The following VDAC1 variants were observed in gnomAD, a reference collection of about 807,000 sequenced individuals.
VDAC1 encodes the protein non-selective voltage-gated ion channel VDAC1.
A neutral mutation model predicts 34.7 loss-of-function variants in VDAC1; 10 were observed. The observed-to-expected ratio is 0.29, with a 90% CI of 0.18 to 0.49. The LOEUF is 0.49. Among genes scored for constraint, VDAC1 ranks in the 20% least tolerant of loss-of-function variants. VDAC1 has a pLI of 0.99. For synonymous variants in VDAC1, 130 were observed against 136.0 expected (o/e 0.96, Z 0.30); for missense variants, 230 against 347.9 (o/e 0.66, Z 2.69).
intron 8 of VDAC1, among the ~76,000 whole-genome samples, chr5:133,973,073 G>C (rs968573557): frequency 1.3e-5 from 2 of 152,182 alleles, no homozygotes; most frequent in African/African-American, 2.4e-5. Flanking sequence ...ACCGCCCAGA[G>C]AGCCTACCCA....
chr5:134,094,777 C>T, the VDAC1 span, among the ~76,000 whole-genome samples: 7 of 150,984 alleles, frequency 4.6e-5, no homozygotes, highest in East Asian at 1.9e-4. Flanking sequence ...CTAATGCCAA[C>T]GAGCAGCCTG....
At chr5:134,066,117 A>G in the VDAC1 span, among the ~76,000 whole-genome samples, 1 of 149,596 alleles carries the variant, frequency 6.7e-6, no homozygotes, top group Admixed American at 6.6e-5. Context: ...TTATCTACTT[A>G]TTTTTTTGAG....
intron 8 of VDAC1, 41 bp downstream of exon 8, chr5:133,973,750 T>C: frequency 6.3e-7 from 1 of 1,596,248 alleles, no homozygotes; most frequent in Non-Finnish European, 8.5e-7. Flanking sequence ...CCACAATTTT[T>C]TTAAGATAAA....
chr5:133,986,404 G>GTT lies in VDAC1; in HGVS notation c.323+4449_323+4450dup, dbSNP rs537730784. On this transcript the variant is annotated intron_variant, in intron 5 of 8. Coordinates refer to ENST00000265333, the MANE Select transcript of VDAC1 (RefSeq NM_003374.3). ...ATCTAGCACCCAGAATTTTAGTTTT[G>GTT]TTTTTTTTTTGAGATGGAGTCTTGC... Among the ~76,000 whole-genome samples, 801 of 147,546 alleles carry GTT rather than the reference G, an allele frequency of 5.4e-3. 8 individuals carry two copies. Among genetic ancestry groups the GTT allele is most frequent in the African/African-American group, 0.019 (750 of 40,248 alleles).
At chr5:134,048,664 C>T in the VDAC1 span, among the ~76,000 whole-genome samples, 12 of 152,192 alleles carry the variant, frequency 7.9e-5, no homozygotes, top group Admixed American at 6.5e-4. Context: ...CACCCAATGC[C>T]CTCATTATTC....
chr5:134,017,957 G>A, the VDAC1 span, among the ~76,000 whole-genome samples: 3 of 152,158 alleles, frequency 2.0e-5, no homozygotes, highest in Admixed American at 6.5e-5. Context: ...GATGAATGAC[G>A]TGTGGCATAA....
At chr5:134,034,180 CAA>C in the VDAC1 span, among the ~76,000 whole-genome samples, 39 of 148,184 alleles carry the variant, frequency 2.6e-4, no homozygotes, top group Admixed American at 2.7e-4. Context: ...GTGTCACGCG[CAA>C]AAAAAAAAAA....
intron 3 of VDAC1, 110 bp from the exon 4 acceptor site, chr5:133,991,264 G>A: frequency 7.3e-7 from 1 of 1,365,704 alleles, no homozygotes; most frequent in Non-Finnish European, 1.0e-6. Context: ...CCTGAATGTG[G>A]GGGGGCCAAG....
chr5:134,017,189 G>A, the VDAC1 span, among the ~76,000 whole-genome samples: 3 of 152,176 alleles, frequency 2.0e-5, no homozygotes, highest in East Asian at 1.9e-4. Flanking sequence ...ATTTCAAGCC[G>A]GGCGCGGTGG....
the VDAC1 span, among the ~76,000 whole-genome samples, chr5:134,060,572 C>A: frequency 1.3e-5 from 2 of 151,798 alleles, no homozygotes; most frequent in Non-Finnish European, 2.9e-5. Flanking sequence ...TATGATAGCT[C>A]AAACCCTATT....
chr5:133,973,756 A>G (rs1053964117), intron 8 of VDAC1, 35 bp downstream of exon 8: 1 of 1,599,690 alleles, frequency 6.3e-7, no homozygotes, highest in Non-Finnish European at 8.5e-7. Context: ...TTTTTTTAAG[A>G]TAAAGAACCG....
the VDAC1 span, among the ~76,000 whole-genome samples, chr5:134,032,124 CA>C: frequency 2.3e-3 from 83 of 36,124 alleles, 2 homozygotes; most frequent in South Asian, 9.6e-3. Context: ...CTCTGCCTCA[CA>C]AAAAAAAAAA....
At chr5:134,001,787 C>A (rs1465543915) in intron 1 of VDAC1, among the ~76,000 whole-genome samples, 1 of 151,640 alleles carries the variant, frequency 6.6e-6, no homozygotes, top group Non-Finnish European at 1.5e-5. Context: ...ATGAGACCGA[C>A]CCTATGGCTC....
chr5:134,000,418 C>T (rs575761028), intron 1 of VDAC1, among the ~76,000 whole-genome samples: 1 of 152,326 alleles, frequency 6.6e-6, no homozygotes, highest in Non-Finnish European at 1.5e-5. Flanking sequence ...TCAGGGCAGC[C>T]TGCCCACCCA....
chr5:134,017,790 G>C, the VDAC1 span, among the ~76,000 whole-genome samples: 1 of 152,142 alleles, frequency 6.6e-6, no homozygotes, highest in East Asian at 1.9e-4. Flanking sequence ...GCAGGCGACT[G>C]TAGTCCCAGC....
chr5:134,066,809 T>C, the VDAC1 span, among the ~76,000 whole-genome samples: 1 of 152,204 alleles, frequency 6.6e-6, no homozygotes, highest in Admixed American at 6.5e-5. Context: ...ATTTCCCCGT[T>C]TAATGGCAAC....
intron 5 of VDAC1, among the ~76,000 whole-genome samples, chr5:133,983,644 T>C (rs1267433478): frequency 2.0e-5 from 3 of 152,042 alleles, no homozygotes; most frequent in African/African-American, 4.8e-5. Context: ...TCCCAAGTGA[T>C]GTAGGAAAAT....
chr5:134,009,670 G>C (rs1753802557), upstream of VDAC1, among the ~76,000 whole-genome samples: 1 of 151,578 alleles, frequency 6.6e-6, no homozygotes, highest in Non-Finnish European at 1.5e-5. Flanking sequence ...ATATTCTTTT[G>C]TTTGTTTGTT....
chr5:133,973,705 T>C, intron 8 of VDAC1, 86 bp downstream of exon 8: 1 of 1,273,272 alleles, frequency 7.9e-7, no homozygotes, highest in East Asian at 2.3e-5. Context: ...TATATAAACA[T>C]TTTATAAGCA....
Sources: gnomAD v4.1 joint callset for allele counts (sites outside exome capture counted in the v4.1 genomes callset) on GRCh38, gnomAD v4.1.1 for gene constraint, MANE v1.5 for transcripts, NCBI Gene and HGNC (gene_info 2026-07-23, HGNC 2026-07-21) for gene names.